The following ARPP21 variants were observed in gnomAD, a reference collection of about 807,000 sequenced individuals.
ARPP21 encodes cAMP regulated phosphoprotein 21.
In ARPP21, 69 loss-of-function variants were observed where a neutral mutation model predicts 113.2. The ratio of observed to expected loss-of-function variants is 0.61; its 90% CI spans 0.50 to 0.74. ARPP21 has a LOEUF of 0.74. Among genes scored for constraint, ARPP21 ranks in the 30% least tolerant of loss-of-function variants. The pLI, the probability that ARPP21 is intolerant of heterozygous loss-of-function variation, is 0.00. For synonymous variants in ARPP21, 368 were observed against 375.5 expected, an observed-to-expected ratio of 0.98 and a Z score of 0.23; for missense variants, 1,070 against 1,037.4, an observed-to-expected ratio of 1.03 and a Z score of -0.43.
intron 14 of ARPP21, among the ~76,000 whole-genome samples, chr3:35,723,251 C>G (rs951795945): frequency 2.6e-5 from 4 of 152,142 alleles, no homozygotes; most frequent in Non-Finnish European, 5.9e-5. Context: ...TTCCCCACCT[C>G]CATGCAAAAT....
At chr3:35,757,003 G>A (rs1275821348) in intron 19 of ARPP21, among the ~76,000 whole-genome samples, 6 of 151,506 alleles carry the variant, frequency 4.0e-5, no homozygotes, top group African/African-American at 1.5e-4. Context: ...TGCATGGGCA[G>A]TGTTAAGTAG....
intron 1 of ARPP21, among the ~76,000 whole-genome samples, chr3:35,672,694 T>C (rs1401903987): frequency 6.6e-6 from 1 of 152,064 alleles, no homozygotes; most frequent in African/African-American, 2.4e-5. Context: ...GGGAAGAGAA[T>C]CTTTTTTACT....
At chr3:35,737,767 A>C (rs1340071746) in intron 16 of ARPP21, among the ~76,000 whole-genome samples, 3 of 152,198 alleles carry the variant, frequency 2.0e-5, no homozygotes, top group Non-Finnish European at 4.4e-5. Flanking sequence ...CAATGGGAAG[A>C]ACAGAAATCA....
At chr3:35,775,273 G>T (rs2096325369) in intron 19 of ARPP21, among the ~76,000 whole-genome samples, 1 of 151,970 alleles carries the variant, frequency 6.6e-6, no homozygotes, top group Admixed American at 6.6e-5. Flanking sequence ...GTGAACAATT[G>T]GTTAAAGACA....
At chr3:35,647,923 T>C (rs1419083773) in intron 1 of ARPP21, among the ~76,000 whole-genome samples, 2 of 152,162 alleles carry the variant, frequency 1.3e-5, no homozygotes, top group Admixed American at 1.3e-4. Flanking sequence ...ACTTGACACA[T>C]GGATATTATT....
intron 19 of ARPP21, among the ~76,000 whole-genome samples, chr3:35,768,147 A>ATGAATGAAGG (rs1430002461): frequency 1.4e-5 from 2 of 140,644 alleles, no homozygotes; most frequent in African/African-American, 2.7e-5. Flanking sequence ...TGTTTGCATG[A>ATGAATGAAGG]TGAATGAAGG....
At chr3:35,660,138 A>T (rs6784165) in intron 1 of ARPP21, among the ~76,000 whole-genome samples, 93,559 of 151,462 alleles carry the variant, frequency 0.62, 29,347 homozygotes, top group African/African-American at 0.73. Context: ...CATAGAGCAA[A>T]GCAAGAGGTG....
chr3:35,681,616 C>T, intron 2 of ARPP21, 98 bp from the exon 3 acceptor site: 1 of 652,542 alleles, frequency 1.5e-6, no homozygotes, highest in Non-Finnish European at 2.6e-6. Context: ...CTCAAAATTG[C>T]TCATTTGGAT....
Position 35,667,885 on chromosome 3 carries a change from A to AAGAG in ARPP21, c.-212-11902_-212-11901insAGAG, listed in dbSNP as rs2074911917. Among the ~76,000 whole-genome samples the AAGAG allele has an allele frequency of 9.2e-5, 9 of 97,662 alleles. 1 individual carries two copies. The highest frequency in any genetic ancestry group is 6.1e-4 in the South Asian group (2 of 3,268). The allele number at this position is 97,662 out of a possible 152,430, so 64.1% of individuals were successfully genotyped here. A position where few individuals can be genotyped will look rare whatever the true frequency, so the allele number is the denominator to read the frequency against. ...AAGAAGAAGAAGAAGAAGAAGAAGAAGAAGAGGAAGAGGAAGAGGAAGAGG... is the reference window on the plus strand; with the variant it reads ...AAGAAGAAGAAGAAGAAGAAGAAGAAAGAGGAAGAGGAAGAGGAAGAGGAAGAGG... On this transcript the variant is annotated intron_variant, in intron 1 of 20. Transcript: ENST00000684406.
At chr3:35,701,620 A>G (rs2086437867) in intron 9 of ARPP21, among the ~76,000 whole-genome samples, 1 of 151,712 alleles carries the variant, frequency 6.6e-6, no homozygotes, top group South Asian at 2.1e-4. Flanking sequence ...ATCATTATTT[A>G]GTATTCTCCT....
intron 14 of ARPP21, among the ~76,000 whole-genome samples, chr3:35,728,233 T>G (rs2093681869): frequency 7.0e-6 from 1 of 142,782 alleles, no homozygotes; most frequent in Non-Finnish European, 1.5e-5. Flanking sequence ...TTTTTTTTTT[T>G]TTTTTGACGG....
At chr3:35,713,212 T>C (rs1436875634) in intron 11 of ARPP21, among the ~76,000 whole-genome samples, 1 of 149,888 alleles carries the variant, frequency 6.7e-6, no homozygotes, top group Admixed American at 6.7e-5. Context: ...AATTTTATCT[T>C]TCTCTGCTAT....
At chr3:35,658,817 G>C (rs1311505152) in intron 1 of ARPP21, among the ~76,000 whole-genome samples, 1 of 152,084 alleles carries the variant, frequency 6.6e-6, no homozygotes, top group South Asian at 2.1e-4. Context: ...TTTCAGGAGA[G>C]AGTGTACAAA....
In ARPP21 at chr3:35,718,100, GAAC is replaced by G. The variant is rs1270943609; in HGVS notation, c.995+752_995+754del. Among the ~76,000 whole-genome samples the G allele has an allele frequency of 3.9e-5, 6 of 152,098 alleles. No homozygotes were observed. The East Asian group carries it at 7.7e-4, about 20-fold the overall frequency. ...ACCTCCGTTGCAGGAATTACTACAA[GAAC>G]AACAACAAAACTCTTATCCACTTAA... On this transcript the variant is annotated intron_variant, in intron 13 of 20. Transcript: ENST00000684406.
At chr3:35,758,716 A>G (rs1288797353) in intron 19 of ARPP21, among the ~76,000 whole-genome samples, 2 of 152,122 alleles carry the variant, frequency 1.3e-5, no homozygotes, top group African/African-American at 4.8e-5. Flanking sequence ...ATTGTCTATA[A>G]GTCCCTCTAC....
At chr3:35,784,115 T>C (rs1244570949) in intron 19 of ARPP21, among the ~76,000 whole-genome samples, 1 of 152,188 alleles carries the variant, frequency 6.6e-6, no homozygotes, top group Non-Finnish European at 1.5e-5. Context: ...GTCTCCACCA[T>C]TTGTGTAAGC....
chr3:35,704,939 C>T (rs1256466477), intron 9 of ARPP21, among the ~76,000 whole-genome samples: 6 of 152,032 alleles, frequency 3.9e-5, no homozygotes, highest in Non-Finnish European at 7.4e-5. Context: ...ATAAGTCAAT[C>T]TATAACAAAT....
At chr3:35,748,202 A>G (rs993371553) in intron 19 of ARPP21, among the ~76,000 whole-genome samples, 6 of 143,364 alleles carry the variant, frequency 4.2e-5, no homozygotes, top group African/African-American at 1.3e-4. Context: ...AAAGAGAGAG[A>G]GAGGGAGGGA....
At chr3:35,734,716 G>A (rs1444070270) in intron 15 of ARPP21, among the ~76,000 whole-genome samples, 1 of 152,186 alleles carries the variant, frequency 6.6e-6, no homozygotes, top group African/African-American at 2.4e-5. Flanking sequence ...TAAGGCTTTT[G>A]CTCTCTACGA....
Sources: gnomAD v4.1 joint callset for allele counts (sites outside exome capture counted in the v4.1 genomes callset) on GRCh38, gnomAD v4.1.1 for gene constraint, MANE v1.5 for transcripts, NCBI Gene and HGNC (gene_info 2026-07-23, HGNC 2026-07-21) for gene names.